The following CEP250 variants were observed in gnomAD, a reference collection of about 807,000 sequenced individuals.
CEP250 encodes centrosome-associated protein CEP250.
CEP250 carries 242 observed loss-of-function variants against 315.7 expected under a neutral mutation model. The observed-to-expected ratio is 0.77, with a 90% CI of 0.69 to 0.85. The LOEUF (loss-of-function observed/expected upper bound fraction) is 0.85, where lower values mean the gene tolerates loss of function less well. CEP250 is among the 40% of genes least tolerant of loss of function. The probability of loss-of-function intolerance (pLI) is 0.00; values close to 1 mark genes in which losing one functional copy is unlikely to be tolerated. For synonymous variants in CEP250, 1,088 were observed against 1,175.0 expected (o/e 0.93, Z 1.51); for missense variants, 2,515 against 2,886.4 (o/e 0.87, Z 2.95).
intron 14 of CEP250, among the ~76,000 whole-genome samples, 188 bp downstream of exon 14, chr20:35,474,240 G>A (rs1437392620): frequency 1.3e-5 from 2 of 152,222 alleles, no homozygotes; most frequent in Non-Finnish European, 2.9e-5. Flanking sequence ...TTAAGTCTTA[G>A]TTGAGCACCC....
At position 35,466,177 on chromosome 20, in the gene CEP250, G is replaced by C. The variant is rs1369699270; in HGVS notation, c.465G>C (p.Lys155Asn). ...WSRARDELMR[K>N]ESQWQMEQEF... is the part of the protein sequence containing the mutation. ...GGGCCCGGGATGAGCTAATGAGGAA[G>C]GAGAGCCAGTGGCAGATGGAGCAGG... The change falls in exon 7 of 35, where the codon AAG (lysine) becomes AAC (asparagine). Residue 155 changes from lysine to asparagine, a missense_variant. Physicochemically the swap from Lys to Asn is moderately conservative, Grantham distance 94 (BLOSUM62 0). Transcript: ENST00000397527. The C allele has an allele frequency of 2.5e-6, 4 of 1,604,822 alleles. No individual in the cohort carries two copies. Among genetic ancestry groups the C allele is most frequent in the Non-Finnish European group, 2.6e-6 (3 of 1,174,776 alleles).
chr20:35,484,942 T>C (rs961886113), intron 20 of CEP250, among the ~76,000 whole-genome samples: 7 of 152,024 alleles, frequency 4.6e-5, no homozygotes, highest in African/African-American at 1.5e-4. Flanking sequence ...TATTGTTTTC[T>C]ACCATTAAAA....
At chr20:35,482,458 C>T (rs2063377160) in intron 20 of CEP250, among the ~76,000 whole-genome samples, 1 of 151,990 alleles carries the variant, frequency 6.6e-6, no homozygotes, top group African/African-American at 2.4e-5. Flanking sequence ...CCAGGATGGT[C>T]TCGATCTCCT....
At chr20:35,476,413 G>C (rs1040539506) in intron 15 of CEP250, 36 bp from the exon 16 acceptor site, 2 of 1,594,634 alleles carry the variant, frequency 1.3e-6, no homozygotes, top group African/African-American at 1.3e-5. Flanking sequence ...AGGAAAATTG[G>C]AAATATGAAA....
At chr20:35,466,382 C>T (rs2062878227) in intron 7 of CEP250, among the ~76,000 whole-genome samples, 178 bp downstream of exon 7, 1 of 152,194 alleles carries the variant, frequency 6.6e-6, no homozygotes, top group Non-Finnish European at 1.5e-5. Context: ...GGGCCTTCAG[C>T]TTAGACCTGC....
chr20:35,473,324 C>T lies in CEP250; in HGVS notation c.1210-50C>T, dbSNP rs779866014. 5.1e-5 allele frequency: 77 copies of T among 1,521,582 alleles called. No homozygotes were observed. In the South Asian group the frequency reaches 9.0e-4, roughly 18 times the overall value. The allele number at this position is 1,521,582 out of a possible 1,614,324, so 94.3% of individuals were successfully genotyped here. ...GCCCCACTTTCGGGGTTCTGACATC[C>T]CTCCTTTGCCCTTGTTCATCATCTG... On this transcript the variant is annotated intron_variant, in intron 12 of 34. Transcript: ENST00000397527.
chr20:35,477,847 C>T (rs375747286), intron 16 of CEP250, 24 bp from the exon 17 acceptor site: 79 of 1,538,826 alleles, frequency 5.1e-5, no homozygotes, highest in Admixed American at 7.9e-5. Context: ...GATGCTTGTA[C>T]TCCCTTCCCT....
chr20:35,497,230 T>C (rs78173458), intron 25 of CEP250, among the ~76,000 whole-genome samples: 3,393 of 152,310 alleles, frequency 0.022, 141 homozygotes, highest in African/African-American at 0.077. Flanking sequence ...GGCTGTTCAA[T>C]GGTCTTGAGT....
Position 35,493,340 on chromosome 20 carries a change from C to G in CEP250, c.2890-89C>G. ...GTGGAAACAATGTGGATTGCTGGCT[C>G]CTGCCTCAGCTTTTGCCACCCCACC... is the stretch of plus-strand genomic sequence containing the variant. On this transcript the variant is annotated intron_variant, in intron 22 of 34. Coordinates refer to ENST00000397527, the MANE Select transcript of CEP250 (RefSeq NM_007186.6). 3 of 1,240,606 alleles carry G rather than the reference C, an allele frequency of 2.4e-6. No individual in the cohort carries two copies. In the Admixed American group the frequency reaches 8.0e-5, roughly 33 times the overall value. 76.8% of individuals were successfully genotyped at this position (1,240,606 alleles called of 1,614,324 possible). A position where few individuals can be genotyped will look rare whatever the true frequency, so the allele number is the denominator to read the frequency against.
rs770146547 is a variant in CEP250 at position 35,504,455 on chromosome 20, A to G, written c.6086A>G (p.Gln2029Arg). 3.1e-6 allele frequency: 5 copies of G among 1,612,432 alleles called. No homozygotes were observed. The Admixed American group carries it at 5.0e-5, about 16-fold the overall frequency. Residue 2029 changes from glutamine to arginine, a missense_variant, in exon 30 of 35, where the codon CAG (glutamine) becomes CGG (arginine). Gln to Arg is a conservative substitution (Grantham distance 43). Coordinates refer to ENST00000397527, the MANE Select transcript of CEP250 (RefSeq NM_007186.6). ...LRIQEGEIQD[Q>R]DLRYQEDVQQ... The stretch of plus-strand genomic sequence containing the variant: ...ATACAAGAAGGTGAGATCCAGGACC[A>G]GGATCTCCGATACCAGGAGGATGTG...
At chr20:35,476,309 A>T in intron 15 of CEP250, 140 bp from the exon 16 acceptor site, 1 of 723,100 alleles carries the variant, frequency 1.4e-6, no homozygotes. Flanking sequence ...AATGAAGGGA[A>T]AACTTGTTTA....
In CEP250 at chr20:35,478,103, T is replaced by G; in HGVS notation, c.2094+2T>G. ...GAAATTCAAAAGAAACTAAGTGAGG[T>G]GAGAAGCCAAAATGGACACCATCAT... On this transcript the variant is annotated splice_donor_variant, in intron 17 of 34. Coordinates refer to ENST00000397527, the MANE Select transcript of CEP250 (RefSeq NM_007186.6). LOFTEE classifies it high-confidence loss of function. 6.2e-7 allele frequency: 1 copy of G among 1,601,930 alleles called. No individual in the cohort carries two copies. Among genetic ancestry groups the G allele is most frequent in the Non-Finnish European group, 8.5e-7 (1 of 1,169,682 alleles).
rs757397799 is a variant in CEP250, at chr20:35,511,567, T to C, written c.7270T>C (p.Ser2424Pro). ...LDESLTQSLT[S>P]PGPVLLHPSP... Reference sequence around the variant, plus strand: ...TGAGTCCCTGACTCAAAGTCTGACATCCCCAGGGCCAGTCCTGCTACACCC... The same window carrying C: ...TGAGTCCCTGACTCAAAGTCTGACACCCCCAGGGCCAGTCCTGCTACACCC... Residue 2424 changes from serine (S) to proline (P), a missense_variant, in exon 35 of 35, where the codon TCC (serine) becomes CCC (proline). Transcript: ENST00000397527. 5 of 1,613,572 alleles carry C rather than the reference T, an allele frequency of 3.1e-6. No homozygotes were observed.
chr20:35,500,197 TTGAGAGGGAGAA>T, intron 28 of CEP250, 28 bp downstream of exon 28: 1 of 1,611,092 alleles, frequency 6.2e-7, no homozygotes, highest in Non-Finnish European at 8.5e-7. Flanking sequence ...GGCAGGGAGA[TTGAGAGGGAGAA>T]GGGATAGGTG....
chr20:35,482,448 C>T (rs571344254), intron 20 of CEP250, among the ~76,000 whole-genome samples: 297 of 151,878 alleles, frequency 2.0e-3, no homozygotes, highest in African/African-American at 7.0e-3. Flanking sequence ...ACCGTGTTAG[C>T]CAGGATGGTC....
intron 1 of CEP250, among the ~76,000 whole-genome samples, chr20:35,457,278 A>G (rs2062651112): frequency 6.6e-6 from 1 of 152,230 alleles, no homozygotes; most frequent in Admixed American, 6.5e-5. Flanking sequence ...TGGAATTTGC[A>G]TTTTGGTAAG....
In CEP250 at chr20:35,480,042, C is replaced by T; in HGVS notation, c.2483C>T (p.Ala828Val). 4 of 1,613,458 alleles carry T rather than the reference C, an allele frequency of 2.5e-6. No homozygotes were observed. The highest frequency in any genetic ancestry group is 3.4e-6 in the Non-Finnish European group (4 of 1,180,030). The change falls in exon 20 of 35, where the codon GCT becomes GTT. Residue 828 changes from alanine to valine, a missense_variant. Ala to Val is a moderately conservative substitution (Grantham distance 64). Transcript: ENST00000397527. ...AGTCAGGCAGAGCAGGAGCGGGATG[C>T]TGCAGCCAGACAGCTGGCCCAGGCT... ...ERSQAEQERD[A>V]AARQLAQAEQ...
intron 4 of CEP250, 23 bp from the exon 5 acceptor site, chr20:35,463,552 A>G (rs772355262): frequency 2.5e-6 from 4 of 1,595,688 alleles, no homozygotes; most frequent in Non-Finnish European, 3.4e-6. Flanking sequence ...TTCATTGCCC[A>G]GGGCCTGTTC....
chr20:35,473,555 G>A lies in CEP250; in HGVS notation c.1388+3G>A. ...GGAGAGGTGGACTCTCTCAGCAAGT[G>A]AGCAGACGGGCTGTTCATCCCACCC... On this transcript the variant is annotated splice_donor_region_variant and intron_variant, in intron 13 of 34. Transcript: ENST00000397527. 6.2e-7 allele frequency: 1 copy of A among 1,606,764 alleles called. No individual in the cohort carries two copies. The highest frequency in any genetic ancestry group is 8.5e-7 in the Non-Finnish European group (1 of 1,176,158).
Sources: allele counts gnomAD v4.1 joint callset (sites outside exome capture counted in the v4.1 genomes callset), GRCh38; gene constraint gnomAD v4.1.1; transcripts MANE v1.5; gene names NCBI Gene and HGNC (gene_info 2026-07-23, HGNC 2026-07-21).